SORCS1: variants seen among roughly 807,000 people sequenced by gnomAD.
SORCS1 encodes the protein sortilin related VPS10 domain containing receptor 1, also known as VPS10 domain-containing receptor SorCS1.
A neutral mutation model predicts 146.1 loss-of-function variants in SORCS1; 60 were observed. The observed-to-expected ratio is 0.41, with a 90% confidence interval of 0.33 to 0.51. The LOEUF is 0.51. Among genes scored for constraint, SORCS1 ranks in the 20% least tolerant of loss-of-function variants. The probability of loss-of-function intolerance (pLI) is 0.21; values close to 1 mark genes in which losing one functional copy is unlikely to be tolerated. For synonymous variants in SORCS1, 637 were observed against 584.0 expected (o/e 1.09, Z -1.31); for missense variants, 1,352 against 1,487.6 (o/e 0.91, Z 1.50).
chr10:106,686,327 G>C (rs896751348), intron 10 of SORCS1, among the ~76,000 whole-genome samples: 1 of 152,154 alleles, frequency 6.6e-6, no homozygotes, highest in African/African-American at 2.4e-5. Context: ...GTGAAGCAGG[G>C]AATACCTTGC....
intron 10 of SORCS1, among the ~76,000 whole-genome samples, chr10:106,683,083 C>G (rs1186734049): frequency 6.6e-6 from 1 of 152,180 alleles, no homozygotes; most frequent in African/African-American, 2.4e-5. Context: ...AAAAAGTGCA[C>G]AGACACAACC....
At chr10:106,845,043 C>T (rs915171316) in intron 2 of SORCS1, among the ~76,000 whole-genome samples, 3 of 123,742 alleles carry the variant, frequency 2.4e-5, no homozygotes, top group Admixed American at 8.2e-5. Flanking sequence ...AATAAACATA[C>T]GTGTGCATAT....
chr10:106,581,609 C>G (rs1253021366), intron 24 of SORCS1, among the ~76,000 whole-genome samples: 6 of 152,110 alleles, frequency 3.9e-5, no homozygotes, highest in Non-Finnish European at 7.4e-5. Context: ...CACACACACA[C>G]AGAATACAGA....
At chr10:107,150,492 G>A (rs951185960) in intron 1 of SORCS1, among the ~76,000 whole-genome samples, 5 of 152,206 alleles carry the variant, frequency 3.3e-5, no homozygotes, top group African/African-American at 1.2e-4. Flanking sequence ...ATGGTTGGGT[G>A]CAAAATCACT....
chr10:106,829,808 T>C (rs936308931), intron 2 of SORCS1, 135 bp from the exon 3 acceptor site: 6 of 543,362 alleles, frequency 1.1e-5, no homozygotes, highest in Non-Finnish European at 2.0e-5. Flanking sequence ...TAATGATGCT[T>C]AATTATGTAC....
chr10:107,092,200 C>A (rs1590116672), intron 1 of SORCS1, among the ~76,000 whole-genome samples: 1 of 152,278 alleles, frequency 6.6e-6, no homozygotes, highest in East Asian at 1.9e-4. Context: ...AAGGCAACTG[C>A]AAAATTGGAG....
intron 5 of SORCS1, among the ~76,000 whole-genome samples, chr10:106,747,553 TG>T (rs1217226482): frequency 1.3e-5 from 2 of 152,226 alleles, no homozygotes; most frequent in Non-Finnish European, 2.9e-5. Flanking sequence ...CTTTCTTTTG[TG>T]CTCAGTCAAA....
intron 2 of SORCS1, among the ~76,000 whole-genome samples, chr10:106,937,846 C>T (rs1374368538): frequency 6.6e-6 from 1 of 151,908 alleles, no homozygotes; most frequent in Non-Finnish European, 1.5e-5. Context: ...TGCCTGTAAT[C>T]CCCACTACTT....
chr10:106,623,243 CTTT>C (rs200567639), intron 19 of SORCS1, among the ~76,000 whole-genome samples: 8 of 135,886 alleles, frequency 5.9e-5, no homozygotes, highest in Admixed American at 1.5e-4. Flanking sequence ...CATATGTGAG[CTTT>C]TTTTTTTTTT....
intron 1 of SORCS1, among the ~76,000 whole-genome samples, chr10:107,074,085 C>T (rs976879219): frequency 2.2e-4 from 33 of 152,148 alleles, no homozygotes; most frequent in African/African-American, 7.5e-4. Context: ...GGTTCATTCT[C>T]GGCCTTGTCC....
At chr10:106,938,871 TAAG>T (rs1292964832) in intron 2 of SORCS1, among the ~76,000 whole-genome samples, 1 of 152,200 alleles carries the variant, frequency 6.6e-6, no homozygotes, top group Non-Finnish European at 1.5e-5. Flanking sequence ...CTCTGACTGC[TAAG>T]GTTATTGTAG....
At chr10:106,836,036 CATAA>C (rs1948767222) in intron 2 of SORCS1, among the ~76,000 whole-genome samples, 1 of 151,354 alleles carries the variant, frequency 6.6e-6, no homozygotes, top group African/African-American at 2.4e-5. Context: ...CAGACAACAT[CATAA>C]CAACGAATGC....
intron 8 of SORCS1, 64 bp downstream of exon 8, chr10:106,706,481 G>T: frequency 6.8e-7 from 1 of 1,479,530 alleles, no homozygotes. Flanking sequence ...TTGGGAAAGG[G>T]ATGGAGGCTG....
intron 2 of SORCS1, among the ~76,000 whole-genome samples, chr10:106,834,079 C>T (rs545692643): frequency 1.1e-4 from 16 of 152,190 alleles, no homozygotes; most frequent in Non-Finnish European, 2.1e-4. Context: ...AGGCATGAGC[C>T]ACCACGCCCG....
Position 106,706,033 on chromosome 10 carries a change from G to A in SORCS1, c.1233+512C>T, listed in dbSNP as rs564943263. 2.0e-5 allele frequency among the ~76,000 whole-genome samples: 3 copies of A among 152,238 alleles called. No homozygotes were observed. The East Asian group carries it at 5.8e-4, about 29-fold the overall frequency. On this transcript the variant is annotated intron_variant, in intron 8 of 25. Coordinates refer to ENST00000263054, the MANE Select transcript of SORCS1 (RefSeq NM_052918.5). ...ACTGATAATCAAATGGGACAGAAAT[G>A]GACGGCAGCTGTTGCACTGATACAT...
At chr10:106,862,336 A>C (rs2137449522) in intron 2 of SORCS1, among the ~76,000 whole-genome samples, 1 of 151,696 alleles carries the variant, frequency 6.6e-6, no homozygotes, top group Admixed American at 6.5e-5. Flanking sequence ...AATTGATGCT[A>C]TCCAGAAAAC....
chr10:106,674,982 C>A, intron 14 of SORCS1, 67 bp downstream of exon 14: 1 of 1,274,666 alleles, frequency 7.8e-7, no homozygotes, highest in Non-Finnish European at 1.1e-6. Flanking sequence ...ACAGGCTTAG[C>A]TATAAAACAT....
intron 2 of SORCS1, among the ~76,000 whole-genome samples, chr10:106,924,520 G>A (rs1239555285): frequency 6.8e-6 from 1 of 146,622 alleles, no homozygotes; most frequent in East Asian, 2.0e-4. Flanking sequence ...TATCTAATTT[G>A]CATTGGGCAG....
intron 1 of SORCS1, among the ~76,000 whole-genome samples, chr10:107,045,737 T>C (rs751734326): frequency 1.3e-5 from 2 of 151,898 alleles, no homozygotes; most frequent in African/African-American, 2.4e-5. Flanking sequence ...GGATATATAT[T>C]TATGTGTGTG....
Sources: allele counts gnomAD v4.1 joint callset (sites outside exome capture counted in the v4.1 genomes callset), GRCh38; gene constraint gnomAD v4.1.1; transcripts MANE v1.5; gene names NCBI Gene and HGNC (gene_info 2026-07-23, HGNC 2026-07-21).